STIM1: variants seen among roughly 807,000 people sequenced by gnomAD.
STIM1 encodes the protein stromal interaction molecule 1.
Under a neutral mutation model 74.7 loss-of-function variants are expected in STIM1, and 25 were observed. The observed-to-expected ratio is 0.33, with a 90% CI of 0.24 to 0.47. The LOEUF is 0.47. Among genes scored for constraint, STIM1 ranks in the 20% least tolerant of loss-of-function variants. STIM1 has a pLI of 1.00. For missense variants in STIM1, 728 were observed against 920.8 expected, an observed-to-expected ratio of 0.79 and a Z score of 2.71; for synonymous variants, 328 against 348.8, an observed-to-expected ratio of 0.94 and a Z score of 0.66.
At chr11:4,082,091 A>G in intron 7 of STIM1, 93 bp from the exon 8 acceptor site, 1 of 1,300,942 alleles carries the variant, frequency 7.7e-7, no homozygotes, top group Non-Finnish European at 1.1e-6. Flanking sequence ...AGAGTTGTAA[A>G]GCAGATAAGA....
At position 3,887,294 on chromosome 11, in the gene STIM1, T is replaced by C. The variant is rs558168046; in HGVS notation, c.139+30885T>C. Among the ~76,000 whole-genome samples the C allele has an allele frequency of 3.3e-5, 5 of 152,344 alleles. No individual in the cohort carries two copies. In the South Asian group the frequency reaches 1.0e-3, roughly 32 times the overall value. On this transcript the variant is annotated intron_variant, in intron 1 of 12. Coordinates refer to ENST00000526596, the MANE Select transcript of STIM1 (RefSeq NM_001382567.1). The stretch of plus-strand genomic sequence containing the variant: ...TTTCTGTACCTGCTCACTTTTGCCC[T>C]GCAACAAATAAACCTTTAAGCATCT...
At position 4,086,501 on chromosome 11, in the gene STIM1, G is replaced by T; in HGVS notation, c.1592G>T (p.Arg531Leu). The change falls in exon 12 of 13, where the codon CGG becomes CTG. Residue 531 changes from arginine (R) to leucine (L), a missense_variant. Transcript: ENST00000526596. Reference protein sequence around the residue: ...YPAPSLQSSVRQRLTEPQHGL... With the variant: ...YPAPSLQSSVLQRLTEPQHGL... ...GCCCCTAGCCTGCAGAGCAGTGTTC[G>T]GCAGCGCCTGACGGAGCCACAGCAT... 1 of 1,614,076 alleles carries T rather than the reference G, an allele frequency of 6.2e-7. No homozygotes were observed. The highest frequency in any genetic ancestry group is 8.5e-7 in the Non-Finnish European group (1 of 1,180,016).
chr11:4,072,972 A>ATTTCCTCTTCTTACC (rs2094413408), intron 6 of STIM1, among the ~76,000 whole-genome samples: 1 of 146,224 alleles, frequency 6.8e-6, no homozygotes, highest in South Asian at 2.2e-4. Flanking sequence ...GCAGCCTAAC[A>ATTTCCTCTTCTTACC]TTTCCTCTTC....
chr11:4,042,487 T>A (rs2133001842), intron 3 of STIM1, among the ~76,000 whole-genome samples: 1 of 152,348 alleles, frequency 6.6e-6, no homozygotes, highest in East Asian at 1.9e-4. Flanking sequence ...TGTGACTGTT[T>A]TGTGTATTGT....
chr11:4,073,070 T>TTTTA (rs869201831), intron 6 of STIM1, among the ~76,000 whole-genome samples: 1 of 149,516 alleles, frequency 6.7e-6, no homozygotes, highest in Non-Finnish European at 1.5e-5. Context: ...TTTTTTTTTT[T>TTTTA]ACAGATTGAG....
intron 3 of STIM1, among the ~76,000 whole-genome samples, chr11:4,041,080 CT>C: frequency 6.6e-6 from 1 of 152,190 alleles, no homozygotes; most frequent in Non-Finnish European, 1.5e-5. Context: ...GGAAGGGCCA[CT>C]TTGGAAGGAT....
chr11:4,038,283 C>T (rs1261935264), intron 3 of STIM1, among the ~76,000 whole-genome samples: 1 of 152,130 alleles, frequency 6.6e-6, no homozygotes, highest in South Asian at 2.1e-4. Context: ...GATCCGCCTA[C>T]CTCGGCTTCC....
At chr11:3,922,972 G>A (rs1015271678) in intron 1 of STIM1, among the ~76,000 whole-genome samples, 1 of 151,852 alleles carries the variant, frequency 6.6e-6, no homozygotes, top group Non-Finnish European at 1.5e-5. Flanking sequence ...GGTAGCGGGC[G>A]CCTGTGGTCC....
rs375744727 is a variant in STIM1 at position 3,994,132 on chromosome 11, A to G, written c.270+26450A>G. On this transcript the variant is annotated intron_variant, in intron 2 of 12. Coordinates refer to ENST00000526596, the MANE Select transcript of STIM1 (RefSeq NM_001382567.1). ...TTCACAAGAGTTTTGCCGGATGTAC[A>G]ATTCTTGGTTGACATCCTCTCACTT... 1.7e-4 allele frequency among the ~76,000 whole-genome samples: 26 copies of G among 152,244 alleles called. No individual in the cohort carries two copies. The South Asian group carries it at 3.7e-3, about 22-fold the overall frequency.
At chr11:4,084,990 C>T (rs995479960) in intron 11 of STIM1, among the ~76,000 whole-genome samples, 1 of 152,072 alleles carries the variant, frequency 6.6e-6, no homozygotes, top group Non-Finnish European at 1.5e-5. Context: ...AAGGCTTAGG[C>T]TTCTCCCTTT....
chr11:3,871,720 A>G (rs985568878), intron 1 of STIM1, among the ~76,000 whole-genome samples: 1 of 151,930 alleles, frequency 6.6e-6, no homozygotes, highest in Non-Finnish European at 1.5e-5. Flanking sequence ...TTTAGGGAAA[A>G]TCTGGTTTAA....
intron 2 of STIM1, among the ~76,000 whole-genome samples, chr11:3,985,421 A>T (rs2923958): frequency 0.77 from 116,571 of 152,020 alleles, 45,810 homozygotes; most frequent in South Asian, 0.9. Context: ...TGTCTGTGTA[A>T]GACAAGAAGT....
At chr11:3,921,152 T>C in intron 1 of STIM1, among the ~76,000 whole-genome samples, 1 of 152,172 alleles carries the variant, frequency 6.6e-6, no homozygotes, top group East Asian at 1.9e-4. Context: ...TATATTTAAT[T>C]CATTAGTCTG....
intron 2 of STIM1, among the ~76,000 whole-genome samples, chr11:3,973,752 C>T (rs757349786): frequency 6.6e-6 from 1 of 150,966 alleles, no homozygotes; most frequent in African/African-American, 2.4e-5. Context: ...CTCACACTGT[C>T]GGCCAGGCTG....
intron 2 of STIM1, among the ~76,000 whole-genome samples, chr11:4,008,103 C>T (rs2093800799): frequency 6.6e-6 from 1 of 152,060 alleles, no homozygotes; most frequent in Non-Finnish European, 1.5e-5. Flanking sequence ...GCCACATATG[C>T]AATGTGGTTC....
chr11:4,035,870 A>G (rs1401757887), intron 3 of STIM1, among the ~76,000 whole-genome samples: 1 of 143,004 alleles, frequency 7.0e-6, no homozygotes, highest in Non-Finnish European at 1.5e-5. Flanking sequence ...TTTTTTTTCA[A>G]CTTTTAAGTT....
At chr11:3,999,501 A>G (rs2093692470) in intron 2 of STIM1, 1 of 152,328 alleles carries the variant, frequency 6.6e-6, no homozygotes, top group Admixed American at 6.5e-5. Context: ...CTAGGGCTTT[A>G]TCTTGTAGGT....
intron 1 of STIM1, among the ~76,000 whole-genome samples, chr11:3,941,455 A>G (rs1036908783): frequency 6.6e-6 from 1 of 152,114 alleles, no homozygotes; most frequent in Admixed American, 6.6e-5. Context: ...GTTATATTTG[A>G]AAGTAATTCT....
chr11:3,993,862 T>A (rs1013819224), intron 2 of STIM1, among the ~76,000 whole-genome samples: 3 of 152,244 alleles, frequency 2.0e-5, no homozygotes, highest in South Asian at 4.1e-4. Context: ...TATTATTTAA[T>A]CACTTATTGT....
Sources: allele counts gnomAD v4.1 joint callset (sites outside exome capture counted in the v4.1 genomes callset), GRCh38; gene constraint gnomAD v4.1.1; transcripts MANE v1.5; gene names NCBI Gene and HGNC (gene_info 2026-07-23, HGNC 2026-07-21).